Variants in SAXO2 observed in about 807,000 individuals in gnomAD.
SAXO2 encodes stabilizer of axonemal microtubules 2.
A neutral mutation model predicts 18.7 loss-of-function variants in SAXO2; 17 were observed. The ratio of observed to expected loss-of-function variants is 0.91; its 90% CI spans 0.62 to 1.36. The LOEUF (loss-of-function observed/expected upper bound fraction) is 1.36, where lower values mean the gene tolerates loss of function less well. SAXO2 is among the 40% of genes most tolerant of loss of function. The probability of loss-of-function intolerance (pLI) is 0.00; values close to 1 mark genes in which losing one functional copy is unlikely to be tolerated. For missense variants in SAXO2, 486 were observed against 562.6 expected, an observed-to-expected ratio of 0.86 and a Z score of 1.38; for synonymous variants, 163 against 181.2, an observed-to-expected ratio of 0.90 and a Z score of 0.81.
At chr15:82,278,605 A>AT (rs1567093715) in intron 3 of SAXO2, among the ~76,000 whole-genome samples, 1 of 152,230 alleles carries the variant, frequency 6.6e-6, no homozygotes, top group African/African-American at 2.4e-5. Context: ...CAGAATATAC[A>AT]TTCTTTTCAA....
At chr15:82,274,633 G>A (rs924945814) in intron 3 of SAXO2, among the ~76,000 whole-genome samples, 1 of 151,364 alleles carries the variant, frequency 6.6e-6, no homozygotes, top group Non-Finnish European at 1.5e-5. Flanking sequence ...AACCCGGGAG[G>A]TGGAGTTGCA....
intron 2 of SAXO2, among the ~76,000 whole-genome samples, chr15:82,268,986 G>T (rs2075245434): frequency 1.3e-5 from 2 of 152,208 alleles, no homozygotes; most frequent in African/African-American, 4.8e-5. Context: ...TTCCCCTCTA[G>T]TTCGTATTTG....
rs147993130 is a variant in SAXO2, at chr15:82,270,356, C to G, written c.234-1247C>G. 7.3e-3 allele frequency among the ~76,000 whole-genome samples: 1,108 copies of G among 152,146 alleles called. 16 individuals carry two copies. The highest frequency in any genetic ancestry group is 0.024 in the African/African-American group (994 of 41,470). On this transcript the variant is annotated intron_variant, in intron 2 of 3. Coordinates refer to ENST00000682753, the MANE Select transcript of SAXO2 (RefSeq NM_001348699.2). Reference sequence around the variant, plus strand: ...AAGTTTCCTAGAAACAGACAGTGTGCACAATAATGTCAATTACTGTTGGAG... The same window carrying G: ...AAGTTTCCTAGAAACAGACAGTGTGGACAATAATGTCAATTACTGTTGGAG...
intron 3 of SAXO2, among the ~76,000 whole-genome samples, chr15:82,280,885 A>G (rs2075357035): frequency 6.6e-6 from 1 of 152,194 alleles, no homozygotes; most frequent in African/African-American, 2.4e-5. Flanking sequence ...CTGCTGGCCT[A>G]AAGGTCACCT....
In SAXO2 at chr15:82,276,909, T is replaced by C. The variant is rs1453419198; in HGVS notation, c.433+5107T>C. 2.0e-5 allele frequency among the ~76,000 whole-genome samples: 3 copies of C among 152,128 alleles called. 1 individual carries two copies. Among genetic ancestry groups the C allele is most frequent in the South Asian group, 4.1e-4 (2 of 4,830 alleles). ...GAAGGGATGAAGCACACAGAAAGGGTACATATGTGGGTAAATATGAAAGAA... is the reference window on the plus strand; with the variant it reads ...GAAGGGATGAAGCACACAGAAAGGGCACATATGTGGGTAAATATGAAAGAA... On this transcript the variant is annotated intron_variant, in intron 3 of 3. Transcript: ENST00000682753.
intron 3 of SAXO2, among the ~76,000 whole-genome samples, chr15:82,281,676 A>C (rs1223530124): frequency 6.6e-6 from 1 of 151,952 alleles, no homozygotes; most frequent in Non-Finnish European, 1.5e-5. Flanking sequence ...TTGCCCACCC[A>C]TGAAGGGCAC....
intron 3 of SAXO2, among the ~76,000 whole-genome samples, chr15:82,273,724 A>G (rs1278934301): frequency 3.9e-5 from 6 of 151,946 alleles, no homozygotes; most frequent in African/African-American, 1.4e-4. Flanking sequence ...TAATTGATGA[A>G]AATGAATTTG....
chr15:82,270,048 C>A (rs1378024613), intron 2 of SAXO2, among the ~76,000 whole-genome samples: 1 of 152,108 alleles, frequency 6.6e-6, no homozygotes, highest in African/African-American at 2.4e-5. Context: ...GAGTTGCCAT[C>A]GAATCCAATG....
intron 3 of SAXO2, among the ~76,000 whole-genome samples, chr15:82,278,520 G>T (rs1596037645): frequency 6.6e-6 from 1 of 152,178 alleles, no homozygotes; most frequent in South Asian, 2.1e-4. Flanking sequence ...AATGAATATG[G>T]ATATAAAGAC....
chr15:82,280,786 T>C (rs60064174), intron 3 of SAXO2, among the ~76,000 whole-genome samples: 19,926 of 152,204 alleles, frequency 0.13, 2,138 homozygotes, highest in African/African-American at 0.29. Flanking sequence ...CTCCCATTTC[T>C]ATCTCACTCA....
At chr15:82,270,385 T>A (rs2075259885) in intron 2 of SAXO2, among the ~76,000 whole-genome samples, 1 of 151,938 alleles carries the variant, frequency 6.6e-6, no homozygotes. Flanking sequence ...GTTGGAGAGG[T>A]CAGGTAAGAT....
At chr15:82,273,332 G>T (rs1334082204) in intron 3 of SAXO2, among the ~76,000 whole-genome samples, 2 of 152,076 alleles carry the variant, frequency 1.3e-5, no homozygotes, top group African/African-American at 2.4e-5. Context: ...ATGTAAAATA[G>T]CTGAATGGAT....
chr15:82,266,820 T>G (rs1026517456), intron 2 of SAXO2, among the ~76,000 whole-genome samples: 1 of 152,228 alleles, frequency 6.6e-6, no homozygotes, highest in African/African-American at 2.4e-5. Flanking sequence ...TATTGTTATC[T>G]CAGCATTCTA....
chr15:82,282,648 C>T lies in SAXO2; in HGVS notation c.963C>T (p.Asn321=). Residue 321 remains asparagine (N), a synonymous_variant, in exon 4 of 4, where the codon AAC becomes AAT. Coordinates refer to ENST00000682753, the MANE Select transcript of SAXO2 (RefSeq NM_001348699.2). ...TTGACTATGTTCCATATCAGGCCAA[C>T]CATGTTGTTCCCATCAGGCCAGTTT... The part of the protein sequence containing the change: ...SHLDYVPYQA[N]HVVPIRPVSQ... 1 of 1,614,176 alleles carries T rather than the reference C, an allele frequency of 6.2e-7. No homozygotes were observed. The highest frequency in any genetic ancestry group is 1.1e-5 in the South Asian group (1 of 91,066).
Position 82,264,668 on chromosome 15 carries a change from C to T in SAXO2, c.54-901C>T, listed in dbSNP as rs150021773. The stretch of plus-strand genomic sequence containing the variant: ...AAATAAGCTTCCACAAAAATTTTAC[C>T]ACAGACCAGGACTGACAAGGGAGCC... On this transcript the variant is annotated intron_variant, in intron 1 of 3. Transcript: ENST00000682753. 3.1e-3 allele frequency: 2,148 copies of T among 702,126 alleles called. 37 individuals are homozygous for T. In the African/African-American group the frequency reaches 0.033, roughly 11 times the overall value. The allele number at this position is 702,126 out of a possible 1,614,324, so 43.5% of individuals were successfully genotyped here. A position where few individuals can be genotyped will look rare whatever the true frequency, so the allele number is the denominator to read the frequency against.
chr15:82,282,749 G>A lies in SAXO2; in HGVS notation c.1064G>A (p.Cys355Tyr). ...GAAGATTTTCCAGCATGGGAAAGTT[G>A]TCGTCAAGGACTTATTAAGAAGCAG... ...MKEDFPAWES[C>Y]RQGLIKKQQQ... Residue 355 changes from cysteine to tyrosine, a missense_variant, in exon 4 of 4, where the codon TGT becomes TAT. Physicochemically the swap from Cys to Tyr is radical, Grantham distance 194 (BLOSUM62 -2). Transcript: ENST00000682753. 2 of 1,614,214 alleles carry A rather than the reference G, an allele frequency of 1.2e-6. No individual in the cohort carries two copies. The highest frequency in any genetic ancestry group is 1.7e-6 in the Non-Finnish European group (2 of 1,180,032).
chr15:82,270,599 G>A (rs540621319), intron 2 of SAXO2, among the ~76,000 whole-genome samples: 6 of 152,124 alleles, frequency 3.9e-5, no homozygotes, highest in Non-Finnish European at 5.9e-5. Flanking sequence ...ACAGACATAC[G>A]CAGCAAATAT....
chr15:82,265,498 G>C (rs2075208032), intron 1 of SAXO2, 71 bp from the exon 2 acceptor site: 1 of 1,116,774 alleles, frequency 9.0e-7, no homozygotes, highest in Non-Finnish European at 1.2e-6. Flanking sequence ...TTTATTAGAG[G>C]TCTCTGATTA....
At chr15:82,277,795 T>C (rs55771506) in intron 3 of SAXO2, among the ~76,000 whole-genome samples, 4 of 152,314 alleles carry the variant, frequency 2.6e-5, no homozygotes, top group Non-Finnish European at 4.4e-5. Context: ...AATAAAATAA[T>C]TCATTACATC....
Sources: allele counts gnomAD v4.1 joint callset (sites outside exome capture counted in the v4.1 genomes callset), GRCh38; gene constraint gnomAD v4.1.1; transcripts MANE v1.5; gene names NCBI Gene and HGNC (gene_info 2026-07-23, HGNC 2026-07-21).